The following ADAMTS3 variants were observed in gnomAD, a reference collection of about 807,000 sequenced individuals.
ADAMTS3 encodes ADAM metallopeptidase with thrombospondin type 1 motif 3.
ADAMTS3 carries 73 observed loss-of-function variants against 129.0 expected under a neutral mutation model. The observed-to-expected ratio is 0.57, with a 90% CI of 0.47 to 0.69. ADAMTS3 has a LOEUF of 0.69. Among genes scored for constraint, ADAMTS3 ranks in the 30% least tolerant of loss-of-function variants. The pLI is 0.00. For missense variants in ADAMTS3, 1,457 were observed against 1,514.5 expected (o/e 0.96, Z 0.63); for synonymous variants, 477 against 510.8 (o/e 0.93, Z 0.89).
At chr4:72,283,884 A>C (rs1280631166) in intron 21 of ADAMTS3, among the ~76,000 whole-genome samples, 180 bp from the exon 22 acceptor site, 4 of 152,218 alleles carry the variant, frequency 2.6e-5, no homozygotes, top group African/African-American at 7.2e-5. Context: ...CACTAAAATA[A>C]GTAGTTCTTT....
intron 5 of ADAMTS3, among the ~76,000 whole-genome samples, chr4:72,329,597 T>TTTG (rs1219956800): frequency 3.9e-5 from 6 of 152,138 alleles, no homozygotes; most frequent in Non-Finnish European, 7.4e-5. Flanking sequence ...TATGTTGTGT[T>TTTG]TTGTTGTTGT....
chr4:72,449,368 C>G (rs1181170174), intron 3 of ADAMTS3, among the ~76,000 whole-genome samples: 2 of 151,692 alleles, frequency 1.3e-5, no homozygotes, highest in Non-Finnish European at 1.5e-5. Flanking sequence ...CTAGTGGTCC[C>G]CATCTCAGGA....
At chr4:72,456,253 ATATATAC>A (rs1560522697) in intron 3 of ADAMTS3, among the ~76,000 whole-genome samples, 130 of 139,282 alleles carry the variant, frequency 9.3e-4, no homozygotes, top group African/African-American at 3.1e-3. Flanking sequence ...TATATATAGT[ATATATAC>A]TGTATATACT....
intron 10 of ADAMTS3, among the ~76,000 whole-genome samples, chr4:72,317,754 A>G (rs1247436839): frequency 6.6e-6 from 1 of 152,150 alleles, no homozygotes; most frequent in Non-Finnish European, 1.5e-5. Context: ...TCAGCTGGGC[A>G]CAGTGGCTCA....
chr4:72,441,790 C>G (rs1718123688), intron 3 of ADAMTS3: 3 of 149,734 alleles, frequency 2.0e-5, no homozygotes, highest in Admixed American at 2.0e-4. Context: ...ACAGCCTTTC[C>G]CCACACAGAA....
chr4:72,498,635 A>ACT (rs141849709), intron 3 of ADAMTS3, among the ~76,000 whole-genome samples: 1 of 150,584 alleles, frequency 6.6e-6, no homozygotes, highest in Admixed American at 6.6e-5. Context: ...TCTCTCTCTC[A>ACT]CTCTCTCTCT....
rs1719491223 is a variant in ADAMTS3, at chr4:72,319,375, G to A, written c.1309C>T (p.His437Tyr). The A allele has an allele frequency of 6.2e-7, 1 of 1,613,804 alleles. No homozygotes were observed. Among genetic ancestry groups the A allele is most frequent in the Admixed American group, 1.7e-5 (1 of 59,980 alleles). ...TCTTGACCACTGCATCGGGACCAGT[G>A]GTAACGATGGAATGCTGCTTGTACC... is the stretch of plus-strand genomic sequence containing the variant. Reference protein sequence around the residue: ...PLVQAAFHRYHWSRCSGQELK... With the variant: ...PLVQAAFHRYYWSRCSGQELK... The change falls in exon 9 of 22, where the codon CAC becomes TAC. Residue 437 changes from histidine to tyrosine, a missense_variant. Transcript: ENST00000286657.
intron 2 of ADAMTS3, among the ~76,000 whole-genome samples, chr4:72,562,620 G>A (rs915681148): frequency 6.6e-6 from 1 of 152,050 alleles, no homozygotes; most frequent in Non-Finnish European, 1.5e-5. Flanking sequence ...AAAGAAGTTT[G>A]AATAAGAACA....
intron 3 of ADAMTS3, among the ~76,000 whole-genome samples, chr4:72,532,993 C>T (rs1721084258): frequency 6.6e-6 from 1 of 152,044 alleles, no homozygotes; most frequent in Admixed American, 6.5e-5. Context: ...CACACTTAGG[C>T]TACACTAAAT....
At chr4:72,490,116 T>C (rs1289029751) in intron 3 of ADAMTS3, among the ~76,000 whole-genome samples, 1 of 152,002 alleles carries the variant, frequency 6.6e-6, no homozygotes, top group Non-Finnish European at 1.5e-5. Context: ...TGATTAGTGA[T>C]GTGGAGCACT....
intron 3 of ADAMTS3, among the ~76,000 whole-genome samples, chr4:72,491,404 TC>T (rs1464550578): frequency 6.6e-6 from 1 of 151,840 alleles, no homozygotes; most frequent in Non-Finnish European, 1.5e-5. Context: ...TTTCAGTTTT[TC>T]CTCATTTATT....
intron 3 of ADAMTS3, among the ~76,000 whole-genome samples, chr4:72,484,624 G>T (rs16848035): frequency 1.1e-4 from 17 of 152,138 alleles, no homozygotes; most frequent in African/African-American, 4.1e-4. Flanking sequence ...GATCTCACAG[G>T]CTACTCACAG....
intron 4 of ADAMTS3, among the ~76,000 whole-genome samples, chr4:72,385,655 T>C (rs994298902): frequency 6.6e-6 from 1 of 152,090 alleles, no homozygotes; most frequent in African/African-American, 2.4e-5. Context: ...AAGCATAAGA[T>C]AGCTGAGTGA....
chr4:72,352,087 CTTAGATT>C (rs993805738), intron 4 of ADAMTS3, among the ~76,000 whole-genome samples: 4 of 151,862 alleles, frequency 2.6e-5, no homozygotes, highest in African/African-American at 9.7e-5. Flanking sequence ...AGTTCATCTT[CTTAGATT>C]TTAAAGATTA....
At chr4:72,518,248 T>A (rs1481840304) in intron 3 of ADAMTS3, among the ~76,000 whole-genome samples, 1 of 152,218 alleles carries the variant, frequency 6.6e-6, no homozygotes, top group Admixed American at 6.5e-5. Flanking sequence ...AGGAGACCTT[T>A]ACTTCCAAGT....
intron 4 of ADAMTS3, among the ~76,000 whole-genome samples, chr4:72,398,591 A>G (rs1721788492): frequency 6.6e-6 from 1 of 152,076 alleles, no homozygotes; most frequent in Non-Finnish European, 1.5e-5. Flanking sequence ...ATAAATAAAT[A>G]CATACATACA....
intron 3 of ADAMTS3, among the ~76,000 whole-genome samples, chr4:72,479,760 C>T (rs1719372550): frequency 6.6e-6 from 1 of 152,130 alleles, no homozygotes; most frequent in African/African-American, 2.4e-5. Flanking sequence ...AACAGGCAGC[C>T]TGCAAAATGG....
chr4:72,336,405 C>T (rs903726553), intron 5 of ADAMTS3, among the ~76,000 whole-genome samples: 4 of 152,164 alleles, frequency 2.6e-5, no homozygotes, highest in African/African-American at 4.8e-5. Context: ...ATTTGAACAT[C>T]GTTAGAGAAA....
chr4:72,433,971 A>G (rs1722759663), intron 3 of ADAMTS3, among the ~76,000 whole-genome samples: 1 of 151,914 alleles, frequency 6.6e-6, no homozygotes, highest in Admixed American at 6.6e-5. Flanking sequence ...GAACTAGACT[A>G]CCGAGGTTGG....
Sources: gnomAD v4.1 joint callset for allele counts (sites outside exome capture counted in the v4.1 genomes callset) on GRCh38, gnomAD v4.1.1 for gene constraint, MANE v1.5 for transcripts, NCBI Gene and HGNC (gene_info 2026-07-23, HGNC 2026-07-21) for gene names.